The following CPA6 variants were observed in gnomAD, a reference collection of about 807,000 sequenced individuals.
CPA6 encodes the protein carboxypeptidase B.
In CPA6, 58 loss-of-function variants were observed where a neutral mutation model predicts 63.3. That is an observed-to-expected ratio of 0.92 (90% confidence interval 0.74 to 1.14). The LOEUF (loss-of-function observed/expected upper bound fraction) is 1.14, where lower values mean the gene tolerates loss of function less well. CPA6 is among the 50% of genes most tolerant of loss of function. CPA6 has a pLI of 0.00. For synonymous variants in CPA6, 185 were observed against 179.0 expected, an observed-to-expected ratio of 1.03 and a Z score of -0.27; for missense variants, 565 against 526.6, an observed-to-expected ratio of 1.07 and a Z score of -0.71.
At chr8:67,624,147 C>G in intron 2 of CPA6, 29 bp downstream of exon 2, 1 of 1,330,712 alleles carries the variant, frequency 7.5e-7, no homozygotes, top group Non-Finnish European at 1.1e-6. Context: ...AAGCACAATT[C>G]TACCATAAGT....
At chr8:67,443,145 C>T (rs1810333245) in intron 8 of CPA6, among the ~76,000 whole-genome samples, 1 of 152,110 alleles carries the variant, frequency 6.6e-6, no homozygotes, top group East Asian at 1.9e-4. Flanking sequence ...TCACTGCAAC[C>T]TCCACCTCCT....
intron 1 of CPA6, among the ~76,000 whole-genome samples, chr8:67,632,182 G>A (rs868054711): frequency 4.3e-4 from 60 of 139,136 alleles, no homozygotes; most frequent in African/African-American, 1.5e-3. Flanking sequence ...GTGTGTGTGT[G>A]TTTTCTCAGA....
At chr8:67,447,725 C>A (rs1810462136) in intron 8 of CPA6, among the ~76,000 whole-genome samples, 1 of 152,198 alleles carries the variant, frequency 6.6e-6, no homozygotes, top group South Asian at 2.1e-4. Context: ...CAATACTCTA[C>A]AAGTGTATCA....
At chr8:67,706,918 T>C (rs1817147943) in intron 1 of CPA6, among the ~76,000 whole-genome samples, 1 of 152,204 alleles carries the variant, frequency 6.6e-6, no homozygotes, top group Non-Finnish European at 1.5e-5. Flanking sequence ...AAATGTGTTA[T>C]TGGTATGTGT....
At chr8:67,458,192 C>T (rs142571732) in intron 8 of CPA6, among the ~76,000 whole-genome samples, 4 of 143,624 alleles carry the variant, frequency 2.8e-5, no homozygotes, top group South Asian at 4.2e-4. Context: ...TTAGCTATGG[C>T]GATCACTTTA....
At chr8:67,552,132 G>A (rs969502927) in intron 2 of CPA6, among the ~76,000 whole-genome samples, 1 of 152,202 alleles carries the variant, frequency 6.6e-6, no homozygotes, top group Non-Finnish European at 1.5e-5. Context: ...TCGTCATGGA[G>A]TTTATAATAA....
At chr8:67,427,442 T>C (rs1809917699) in intron 10 of CPA6, among the ~76,000 whole-genome samples, 1 of 152,204 alleles carries the variant, frequency 6.6e-6, no homozygotes. Context: ...TACTTTTCTC[T>C]TGTTTAACCT....
chr8:67,474,885 G>A (rs567103462), intron 8 of CPA6, among the ~76,000 whole-genome samples: 24 of 152,268 alleles, frequency 1.6e-4, no homozygotes, highest in African/African-American at 5.5e-4. Context: ...GAAGGCTGAG[G>A]TGGAAGGATT....
intron 2 of CPA6, among the ~76,000 whole-genome samples, chr8:67,551,548 T>C (rs116316014): frequency 0.013 from 2,020 of 152,306 alleles, 41 homozygotes; most frequent in African/African-American, 0.046. Flanking sequence ...TTTTTCCTAG[T>C]TCTGTGAAAA....
rs192431811 is a variant in CPA6 at position 67,529,563 on chromosome 8, T to C, written c.193-11516A>G. ...TCCAATATCCCCAGACAAATATGTT[T>C]TCTGGAGAAATTAAAACAGAGGGAT... is the stretch of plus-strand genomic sequence containing the variant. On this transcript the variant is annotated intron_variant, in intron 2 of 10. Coordinates refer to ENST00000297770, the MANE Select transcript of CPA6 (RefSeq NM_020361.5). 2.0e-4 allele frequency among the ~76,000 whole-genome samples: 31 copies of C among 152,312 alleles called. No homozygotes were observed. The East Asian group carries it at 5.8e-3, about 28-fold the overall frequency.
chr8:67,655,951 A>G (rs955663736), intron 1 of CPA6, among the ~76,000 whole-genome samples: 36 of 152,110 alleles, frequency 2.4e-4, no homozygotes, highest in Admixed American at 2.0e-3. Context: ...CATCTTACCT[A>G]TCTCCTTACC....
At chr8:67,592,057 T>C (rs1457926875) in intron 2 of CPA6, among the ~76,000 whole-genome samples, 2 of 152,190 alleles carry the variant, frequency 1.3e-5, no homozygotes, top group Non-Finnish European at 2.9e-5. Context: ...TTGAGATACA[T>C]CCCATCAATA....
intron 1 of CPA6, among the ~76,000 whole-genome samples, chr8:67,662,422 T>C (rs1051260993): frequency 3.4e-5 from 5 of 148,186 alleles, no homozygotes; most frequent in African/African-American, 4.9e-5. Flanking sequence ...TATATGTATA[T>C]ATAGAATACA....
chr8:67,545,233 A>C (rs954524467), intron 2 of CPA6, among the ~76,000 whole-genome samples: 1 of 152,208 alleles, frequency 6.6e-6, no homozygotes, highest in Non-Finnish European at 1.5e-5. Context: ...ATAATGTAGA[A>C]AAATTCACCT....
chr8:67,678,227 TCACACACACACACACA>T (rs1229557199), intron 1 of CPA6, among the ~76,000 whole-genome samples: 2 of 127,592 alleles, frequency 1.6e-5, no homozygotes, highest in Non-Finnish European at 3.2e-5. Context: ...AAACTCTGTC[TCACACACACACACACA>T]CACACACACA....
intron 8 of CPA6, among the ~76,000 whole-genome samples, chr8:67,456,466 A>G (rs891540737): frequency 7.2e-5 from 11 of 152,354 alleles, no homozygotes; most frequent in African/African-American, 2.6e-4. Context: ...ATAAGCAGTC[A>G]AACCTTTTCT....
intron 8 of CPA6, among the ~76,000 whole-genome samples, chr8:67,446,619 A>G (rs1810422841): frequency 6.6e-6 from 1 of 152,230 alleles, no homozygotes; most frequent in African/African-American, 2.4e-5. Flanking sequence ...TCCCTGTGGA[A>G]ATTGACTTGA....
chr8:67,741,452 A>G (rs1451555659), intron 1 of CPA6, among the ~76,000 whole-genome samples: 1 of 152,206 alleles, frequency 6.6e-6, no homozygotes, highest in Non-Finnish European at 1.5e-5. Context: ...ACTCCTGGCC[A>G]CAGACCGGTT....
intron 8 of CPA6, among the ~76,000 whole-genome samples, chr8:67,461,445 T>C (rs2128957193): frequency 6.7e-6 from 1 of 149,856 alleles, no homozygotes; most frequent in Non-Finnish European, 1.5e-5. Flanking sequence ...AAATGAAAAG[T>C]CTCCCATGTC....
Sources: allele counts gnomAD v4.1 joint callset (sites outside exome capture counted in the v4.1 genomes callset), GRCh38; gene constraint gnomAD v4.1.1; transcripts MANE v1.5; gene names NCBI Gene and HGNC (gene_info 2026-07-23, HGNC 2026-07-21).